Variants in UBR3 observed in about 807,000 individuals in gnomAD.
The protein encoded by UBR3 is E3 ubiquitin-protein ligase UBR3.
In UBR3, 85 loss-of-function variants were observed where a neutral mutation model predicts 243.2. The ratio of observed to expected loss-of-function variants is 0.35; its 90% CI spans 0.29 to 0.42. UBR3 has a LOEUF of 0.42. UBR3 is among the 10% of genes least tolerant of loss of function. UBR3 has a pLI of 1.00. For synonymous variants in UBR3, 748 were observed against 799.8 expected, an observed-to-expected ratio of 0.94 and a Z score of 1.09; for missense variants, 1,686 against 2,300.8, an observed-to-expected ratio of 0.73 and a Z score of 5.47.
chr2:170,061,116 T>C lies in UBR3; in HGVS notation c.4823T>C (p.Leu1608Pro). Residue 1608 changes from leucine to proline, a missense_variant, in exon 34 of 39, where the codon CTG becomes CCG. Leu to Pro is a moderately conservative substitution (Grantham distance 98). Around this residue, in one of 8 missense-constraint regions of UBR3, gnomAD observed 371 missense variants for 422.5 expected, o/e 0.88. Coordinates refer to ENST00000272793, the MANE Select transcript of UBR3 (RefSeq NM_172070.4). ...CDAEKSYEVLLSFVISELFKG... is the reference protein window; with the variant it reads ...CDAEKSYEVLPSFVISELFKG... Reference sequence around the variant, plus strand: ...GCAGAAAAGTCTTACGAAGTATTACTGAGCTTTGTGATAAGTGAACTATTT... The same window carrying C: ...GCAGAAAAGTCTTACGAAGTATTACCGAGCTTTGTGATAAGTGAACTATTT... 6.3e-7 allele frequency: 1 copy of C among 1,597,362 alleles called. No individual in the cohort carries two copies. Among genetic ancestry groups the C allele is most frequent in the Non-Finnish European group, 8.5e-7 (1 of 1,174,996 alleles).
At chr2:169,985,026 A>G (rs2088933231) in intron 24 of UBR3, among the ~76,000 whole-genome samples, 1 of 151,592 alleles carries the variant, frequency 6.6e-6, no homozygotes, top group Middle Eastern at 3.4e-3. Flanking sequence ...TAAAAAAAAA[A>G]AGATCTTTAT....
intron 35 of UBR3, among the ~76,000 whole-genome samples, chr2:170,066,966 A>AAATAATAATAATAATAATAATAATAAT (rs6147024): frequency 1.2e-4 from 12 of 102,558 alleles, no homozygotes; most frequent in East Asian, 2.7e-4. Context: ...TCCGTCTCTA[A>AAATAATAATAATAATAATAATAATAAT]AATAATAATA....
intron 20 of UBR3, among the ~76,000 whole-genome samples, chr2:169,944,493 A>G (rs1221755764): frequency 1.3e-5 from 2 of 152,190 alleles, no homozygotes; most frequent in Non-Finnish European, 2.9e-5. Flanking sequence ...TAGTTGTTAC[A>G]AGACTATTAT....
At chr2:169,988,553 C>G (rs574422997) in intron 25 of UBR3, among the ~76,000 whole-genome samples, 25 of 152,268 alleles carry the variant, frequency 1.6e-4, no homozygotes, top group African/African-American at 5.8e-4. Flanking sequence ...GCCTGTAATT[C>G]CAGCATTTTG....
intron 36 of UBR3, among the ~76,000 whole-genome samples, chr2:170,077,018 A>C (rs114827838): frequency 2.6e-5 from 4 of 152,254 alleles, no homozygotes; most frequent in African/African-American, 9.6e-5. Flanking sequence ...TAGACAGTAC[A>C]TAGCTTGTAA....
In UBR3 at chr2:169,872,346, A is replaced by G. The variant is rs2083463310; in HGVS notation, c.656A>G (p.Gln219Arg). Residue 219 changes from glutamine (Q) to arginine (R), a missense_variant, in exon 2 of 39, where the codon CAG becomes CGG. Gln to Arg is a conservative substitution (Grantham distance 43). Transcript: ENST00000272793. Reference sequence around the variant, plus strand: ...CCAAGATTTATATTTTGTCTTATTCAGTACTTAAGAGAAGGCTATAATGAA... The same window carrying G: ...CCAAGATTTATATTTTGTCTTATTCGGTACTTAAGAGAAGGCTATAATGAA... ...VLPRFIFCLI[Q>R]YLREGYNEPA... 1 of 1,495,036 alleles carries G rather than the reference A, an allele frequency of 6.7e-7. No individual in the cohort carries two copies. 92.6% of individuals were successfully genotyped at this position (1,495,036 alleles called of 1,614,324 possible). A position where few individuals can be genotyped will look rare whatever the true frequency, so the allele number is the denominator to read the frequency against.
chr2:169,919,637 A>C (rs1433225097), intron 11 of UBR3, among the ~76,000 whole-genome samples: 2 of 152,346 alleles, frequency 1.3e-5, no homozygotes, highest in East Asian at 3.9e-4. Flanking sequence ...ACCCCATCAA[A>C]AAGTGGGCAA....
At chr2:170,063,631 C>A (rs2091496645) in intron 35 of UBR3, among the ~76,000 whole-genome samples, 1 of 152,132 alleles carries the variant, frequency 6.6e-6, no homozygotes, top group Non-Finnish European at 1.5e-5. Flanking sequence ...AAATCTCATG[C>A]TGTCTTGTTT....
intron 23 of UBR3, among the ~76,000 whole-genome samples, chr2:169,951,324 C>G (rs1213046409): frequency 6.6e-6 from 1 of 152,056 alleles, no homozygotes; most frequent in African/African-American, 2.4e-5. Context: ...TAAATATAGG[C>G]AGTTATGGGT....
intron 8 of UBR3, among the ~76,000 whole-genome samples, chr2:169,904,453 A>T (rs1365628799): frequency 6.6e-6 from 1 of 152,176 alleles, no homozygotes; most frequent in Non-Finnish European, 1.5e-5. Context: ...GAGTGAATGC[A>T]TATATACTAA....
intron 35 of UBR3, among the ~76,000 whole-genome samples, chr2:170,070,603 C>T (rs1232429655): frequency 1.3e-5 from 2 of 152,058 alleles, no homozygotes; most frequent in East Asian, 3.8e-4. Flanking sequence ...TCCAAAGAAA[C>T]CTATTAGAGC....
intron 24 of UBR3, among the ~76,000 whole-genome samples, chr2:169,968,481 A>G (rs570216376): frequency 6.6e-6 from 1 of 152,298 alleles, no homozygotes; most frequent in East Asian, 1.9e-4. Context: ...GTTTCACTTA[A>G]CATAATGACT....
At chr2:169,871,331 G>A (rs1207505071) in intron 1 of UBR3, among the ~76,000 whole-genome samples, 2 of 151,676 alleles carry the variant, frequency 1.3e-5, no homozygotes, top group African/African-American at 4.8e-5. Context: ...AGTGGCACAT[G>A]CCTGAGGCTG....
At chr2:169,939,508 C>T (rs949926354) in intron 19 of UBR3, among the ~76,000 whole-genome samples, 23 of 151,306 alleles carry the variant, frequency 1.5e-4, no homozygotes, top group Non-Finnish European at 7.4e-5. Context: ...ACCTCGTGAT[C>T]CGCCCACCTC....
chr2:169,916,233 C>T (rs890118772), intron 11 of UBR3, among the ~76,000 whole-genome samples: 9 of 152,062 alleles, frequency 5.9e-5, no homozygotes, highest in African/African-American at 1.9e-4. Context: ...ATTTTTAATT[C>T]CAGTTTAACA....
Position 169,840,014 on chromosome 2 carries a change from T to C in UBR3, c.545+11962T>C, listed in dbSNP as rs530239695. Among the ~76,000 whole-genome samples the C allele has an allele frequency of 2.6e-5, 4 of 152,292 alleles. No homozygotes were observed. The South Asian group carries it at 8.3e-4, about 32-fold the overall frequency. On this transcript the variant is annotated intron_variant, in intron 1 of 38. Coordinates refer to ENST00000272793, the MANE Select transcript of UBR3 (RefSeq NM_172070.4). Reference sequence around the variant, plus strand: ...ACTAAGAGTTTTTAAGGATTCAGGGTGGGAGGCTTGGACTGCTTCTGTGTC... The same window carrying C: ...ACTAAGAGTTTTTAAGGATTCAGGGCGGGAGGCTTGGACTGCTTCTGTGTC...
chr2:169,958,671 G>T (rs538757552), intron 24 of UBR3, 145 bp downstream of exon 24: 2 of 639,318 alleles, frequency 3.1e-6, no homozygotes, highest in South Asian at 2.2e-5. Context: ...AGTGATGGAA[G>T]ATCAGACTTT....
At chr2:169,978,261 C>A (rs974766580) in intron 24 of UBR3, among the ~76,000 whole-genome samples, 1 of 152,124 alleles carries the variant, frequency 6.6e-6, no homozygotes, top group Non-Finnish European at 1.5e-5. Flanking sequence ...GTACCAGTAG[C>A]AGCGCTGGGT....
At position 169,877,599 on chromosome 2, in the gene UBR3, A is replaced by C; in HGVS notation, c.950A>C (p.Gln317Pro). Residue 317 changes from glutamine (Q) to proline (P), a missense_variant, in exon 4 of 39, where the codon CAG (glutamine) becomes CCG (proline). By Grantham distance (76) the Gln-to-Pro change is moderately conservative. Coordinates refer to ENST00000272793, the MANE Select transcript of UBR3 (RefSeq NM_172070.4). ...GAGGATAAGCTTGTATATGGTGTGC[A>C]GGAGCCATCTGCTGGTACTAGTTCT... ...YPEDKLVYGV[Q>P]EPSAGTSSLA... is the part of the protein sequence containing the mutation. 1 of 1,549,248 alleles carries C rather than the reference A, an allele frequency of 6.5e-7. No individual in the cohort carries two copies. The highest frequency in any genetic ancestry group is 2.0e-5 in the Admixed American group (1 of 50,198).
Sources: gnomAD v4.1 joint callset for allele counts (sites outside exome capture counted in the v4.1 genomes callset) on GRCh38, gnomAD v4.1.1 for gene constraint, gnomAD v4.1.1 regional missense constraint, MANE v1.5 for transcripts, NCBI Gene and HGNC (gene_info 2026-07-23, HGNC 2026-07-21) for gene names.